Variants in MYL2 observed in about 807,000 individuals in gnomAD.
The protein encoded by MYL2 is myosin regulatory light chain 2, ventricular/cardiac muscle isoform.
MYL2 carries 19 observed loss-of-function variants against 23.0 expected under a neutral mutation model. The observed-to-expected ratio is 0.83, with a 90% CI of 0.58 to 1.21. The LOEUF is 1.21. Ranked by LOEUF, MYL2 falls within the 50% of genes most tolerant of loss-of-function variation. The pLI is 0.00. For synonymous variants in MYL2, 78 were observed against 76.2 expected (o/e 1.02, Z -0.13); for missense variants, 180 against 215.1 (o/e 0.84, Z 1.02).
At chr12:110,916,286 A>G (rs546971029) in intron 2 of MYL2, among the ~76,000 whole-genome samples, 4 of 152,260 alleles carry the variant, frequency 2.6e-5, no homozygotes, top group Non-Finnish European at 5.9e-5. Context: ...CAGTGAGCTG[A>G]GATCATGCCA....
intron 6 of MYL2, 142 bp from the exon 7 acceptor site, chr12:110,911,317 G>A (rs897725805): frequency 4.0e-5 from 27 of 668,180 alleles, no homozygotes; most frequent in Non-Finnish European, 6.4e-5. Context: ...GTCCTCCGGG[G>A]AAGGACTTCC....
rs147549211 is a variant in MYL2 at position 110,918,849 on chromosome 12, A to G, written c.93+255T>C. ...GGTAATAGAATTGTAGGTAGTTTTTATTTCCTTTTCTGTGCTTTTCTGAAA... is the reference window on the plus strand; with the variant it reads ...GGTAATAGAATTGTAGGTAGTTTTTGTTTCCTTTTCTGTGCTTTTCTGAAA... On this transcript the variant is annotated intron_variant, in intron 2 of 6. Coordinates refer to ENST00000228841, the MANE Select transcript of MYL2 (RefSeq NM_000432.4). The surrounding 1 kb of genome is among the most constrained non-coding windows in gnomAD (Gnocchi z 4.4). The G allele has an allele frequency of 1.1e-3, 538 of 501,538 alleles. 2 individuals are homozygous for G. Among genetic ancestry groups the G allele is most frequent in the African/African-American group, 9.5e-3 (496 of 52,024 alleles). The allele number at this position is 501,538 out of a possible 1,614,324, so 31.1% of individuals were successfully genotyped here. A position where few individuals can be genotyped will look rare whatever the true frequency, so the allele number is the denominator to read the frequency against.
At chr12:110,915,947 T>C (rs1033343166) in intron 2 of MYL2, among the ~76,000 whole-genome samples, 157 bp from the exon 3 acceptor site, 2 of 152,180 alleles carry the variant, frequency 1.3e-5, no homozygotes, top group Non-Finnish European at 2.9e-5. Context: ...AATCCAACAG[T>C]TTCTTCAAAA....
intron 6 of MYL2, 136 bp downstream of exon 6, chr12:110,912,960 G>T: frequency 9.9e-7 from 1 of 1,010,694 alleles, no homozygotes; most frequent in Non-Finnish European, 1.6e-6. Flanking sequence ...ATGAAATGAG[G>T]CCAGGCCTCA....
chr12:110,912,690 G>T (rs1319865500), intron 6 of MYL2, among the ~76,000 whole-genome samples: 3 of 152,202 alleles, frequency 2.0e-5, no homozygotes. Context: ...TCAGCCTCCT[G>T]AGTGGCTGGG....
At chr12:110,920,687 C>G (rs2071718026), upstream of MYL2, 2 of 1,007,914 alleles carry the variant, frequency 2.0e-6, no homozygotes, top group Non-Finnish European at 3.0e-6. Context: ...TAAGGCCCCC[C>G]CACCCCATGC....
intron 3 of MYL2, among the ~76,000 whole-genome samples, chr12:110,914,732 C>T (rs1021386403): frequency 3.3e-5 from 5 of 152,148 alleles, no homozygotes; most frequent in African/African-American, 9.7e-5. Flanking sequence ...GTTGCCCAGG[C>T]AGGTCTCGAA....
rs1232546100 is a variant in MYL2, at chr12:110,914,141, CAT to C, written c.274+43_274+44del. 5.7e-6 allele frequency: 8 copies of C among 1,403,820 alleles called. No individual in the cohort carries two copies. The South Asian group carries it at 9.2e-5, about 16-fold the overall frequency. The allele number at this position is 1,403,820 out of a possible 1,614,324, so 87.0% of individuals were successfully genotyped here. The stretch of plus-strand genomic sequence containing the variant: ...TCTTCTGCCAGCCCCCCCGAAGAAA[CAT>C]AGACACATACACACAGACACACACA... On this transcript the variant is annotated intron_variant, in intron 4 of 6. Coordinates refer to ENST00000228841, the MANE Select transcript of MYL2 (RefSeq NM_000432.4).
intron 6 of MYL2, among the ~76,000 whole-genome samples, chr12:110,912,219 A>G (rs1008443875): frequency 6.6e-6 from 1 of 152,168 alleles, no homozygotes; most frequent in Admixed American, 6.5e-5. Context: ...TGACGGCACC[A>G]TTGCTTGCTC....
At position 110,914,310 on chromosome 12, in the gene MYL2, C is replaced by T. The variant is rs2071675189; in HGVS notation, c.170-20G>A. 1.3e-6 allele frequency: 2 copies of T among 1,565,450 alleles called. No individual in the cohort carries two copies. Among genetic ancestry groups the T allele is most frequent in the Non-Finnish European group, 1.8e-6 (2 of 1,135,736 alleles). ...CTCGCCCTAGGGTAGGAAACACACA[C>T]TCAGGGACTCCGAGCTGGGGAGAAA... On this transcript the variant is annotated intron_variant, in intron 3 of 6. Transcript: ENST00000228841.
At chr12:110,911,361 T>G (rs902649929) in intron 6 of MYL2, among the ~76,000 whole-genome samples, 186 bp from the exon 7 acceptor site, 3 of 151,994 alleles carry the variant, frequency 2.0e-5, no homozygotes, top group African/African-American at 7.2e-5. Context: ...CCCAAGGTCA[T>G]GCCCTTTCTG....
intron 6 of MYL2, among the ~76,000 whole-genome samples, chr12:110,912,487 G>A (rs2071660128): frequency 6.6e-6 from 1 of 152,212 alleles, no homozygotes. Flanking sequence ...TCTATGCATC[G>A]TGAGCAAGGC....
chr12:110,910,905 C>T lies in MYL2; in HGVS notation c.*172G>A, dbSNP rs1287747216. The stretch of plus-strand genomic sequence containing the variant: ...GATGGATTTCCAACTGTAGGATGTG[C>T]GGCCACGAAGTACCCATAGCCACCC... On this transcript the variant is annotated 3_prime_UTR_variant, in exon 7 of 7. Transcript: ENST00000228841. 7.6e-5 allele frequency: 50 copies of T among 658,792 alleles called. No individual in the cohort carries two copies. The highest frequency in any genetic ancestry group is 1.5e-4 in the South Asian group (9 of 59,784). The allele number at this position is 658,792 out of a possible 1,614,324, so 40.8% of individuals were successfully genotyped here. A position where few individuals can be genotyped will look rare whatever the true frequency, so the allele number is the denominator to read the frequency against.
chr12:110,919,586 A>G lies in MYL2; in HGVS notation c.4-393T>C, dbSNP rs1211757232. On this transcript the variant is annotated intron_variant, in intron 1 of 6. Coordinates refer to ENST00000228841, the MANE Select transcript of MYL2 (RefSeq NM_000432.4). ...ACAGAAGGAGAATTGATTGGAGGGA[A>G]AGAAAAAGTCAGGCTCACTAAGCCA... 2.6e-5 allele frequency among the ~76,000 whole-genome samples: 4 copies of G among 152,184 alleles called. No homozygotes were observed. The East Asian group carries it at 7.7e-4, about 29-fold the overall frequency.
At chr12:110,914,451 A>G in intron 3 of MYL2, 161 bp from the exon 4 acceptor site, 1 of 686,972 alleles carries the variant, frequency 1.5e-6, no homozygotes, top group Non-Finnish European at 2.7e-6. Flanking sequence ...GATGTTCTTG[A>G]CAGTGTTATT....
chr12:110,916,064 A>G (rs1809399950), intron 2 of MYL2, among the ~76,000 whole-genome samples: 1 of 152,250 alleles, frequency 6.6e-6, no homozygotes. Flanking sequence ...GGCTGGGCAC[A>G]GTGGCTCACG....
At chr12:110,916,554 A>G (rs2071688846) in intron 2 of MYL2, among the ~76,000 whole-genome samples, 1 of 152,254 alleles carries the variant, frequency 6.6e-6, no homozygotes, top group Non-Finnish European at 1.5e-5. Context: ...TCAGTGAAAG[A>G]AGCCAGACAC....
At chr12:110,915,529 T>C (rs530597918) in intron 3 of MYL2, among the ~76,000 whole-genome samples, 186 bp downstream of exon 3, 5 of 152,188 alleles carry the variant, frequency 3.3e-5, no homozygotes, top group Non-Finnish European at 2.9e-5. Context: ...AAAAAAGATA[T>C]CTGAAGGTAC....
In MYL2 at chr12:110,911,186, C is replaced by T. The variant is rs1212140808; in HGVS notation, c.403-11G>A. ...GAACATCTGGTCAACCTGCAATGAG[C>T]CAGCAACACGTGCTAAGGACGAGGG... is the stretch of plus-strand genomic sequence containing the variant. On this transcript the variant is annotated splice_polypyrimidine_tract_variant and intron_variant, in intron 6 of 6. Coordinates refer to ENST00000228841, the MANE Select transcript of MYL2 (RefSeq NM_000432.4). 3.1e-6 allele frequency: 5 copies of T among 1,606,668 alleles called. No homozygotes were observed. Among genetic ancestry groups the T allele is most frequent in the East Asian group, 2.2e-5 (1 of 44,728 alleles).
Sources: gnomAD v4.1 joint callset for allele counts (sites outside exome capture counted in the v4.1 genomes callset) on GRCh38, gnomAD v4.1.1 for gene constraint, Gnocchi (gnomAD v3.1) non-coding constraint, MANE v1.5 for transcripts, NCBI Gene and HGNC (gene_info 2026-07-23, HGNC 2026-07-21) for gene names.